PCDH15: variants seen among roughly 807,000 people sequenced by gnomAD.
The protein encoded by PCDH15 is protocadherin related 15, also known as protocadherin-15.
Under a neutral mutation model 178.5 loss-of-function variants are expected in PCDH15, and 129 were observed. The observed-to-expected ratio is 0.72, with a 90% CI of 0.63 to 0.84. The LOEUF (loss-of-function observed/expected upper bound fraction) is 0.84. Ranked by LOEUF, PCDH15 falls within the 40% of genes least tolerant of loss-of-function variation. PCDH15 has a pLI of 0.00. For missense variants in PCDH15, 2,230 were observed against 2,099.9 expected, an observed-to-expected ratio of 1.06 and a Z score of -1.21; for synonymous variants, 800 against 732.0, an observed-to-expected ratio of 1.09 and a Z score of -1.50.
intron 3 of PCDH15, among the ~76,000 whole-genome samples, chr10:54,500,408 T>C (rs187350474): frequency 2.4e-4 from 37 of 152,202 alleles, no homozygotes; most frequent in Non-Finnish European, 4.7e-4. Context: ...AATTTACCCA[T>C]GTAATAAACC....
chr10:53,841,394 G>A (rs918065836), intron 28 of PCDH15, among the ~76,000 whole-genome samples: 2 of 152,044 alleles, frequency 1.3e-5, no homozygotes, highest in African/African-American at 2.4e-5. Flanking sequence ...TTTAGGGGGA[G>A]AAGGGCAATA....
chr10:55,263,615 G>A (rs1842202914), intron 1 of PCDH15, among the ~76,000 whole-genome samples: 1 of 152,110 alleles, frequency 6.6e-6, no homozygotes, highest in Non-Finnish European at 1.5e-5. Flanking sequence ...CCAACAGAAT[G>A]TTTCTCCACT....
intron 20 of PCDH15, among the ~76,000 whole-genome samples, chr10:54,002,276 T>G (rs139468510): frequency 0.01 from 1,571 of 152,122 alleles, 28 homozygotes; most frequent in African/African-American, 0.037. Context: ...CTTTCAGCAC[T>G]GGACAGATCT....
At chr10:54,974,223 A>T (rs1839009961) in intron 2 of PCDH15, among the ~76,000 whole-genome samples, 1 of 152,140 alleles carries the variant, frequency 6.6e-6, no homozygotes, top group Non-Finnish European at 1.5e-5. Flanking sequence ...AACTCAGTGA[A>T]CACAAAGAAG....
chr10:55,210,776 G>A (rs369312460), intron 1 of PCDH15, among the ~76,000 whole-genome samples: 2 of 150,802 alleles, frequency 1.3e-5, no homozygotes, highest in South Asian at 2.1e-4. Flanking sequence ...CTACAGCCGC[G>A]CACCACCACG....
At chr10:54,424,581 T>A (rs1017184178) in intron 3 of PCDH15, among the ~76,000 whole-genome samples, 13 of 151,926 alleles carry the variant, frequency 8.6e-5, no homozygotes, top group African/African-American at 2.9e-4. Flanking sequence ...GTGGCATTAT[T>A]CACAATAGCA....
At chr10:55,353,680 C>A (rs1441770447) in intron 2 of PCDH15, among the ~76,000 whole-genome samples, 1 of 151,976 alleles carries the variant, frequency 6.6e-6, no homozygotes, top group Non-Finnish European at 1.5e-5. Context: ...CAGATGCAAC[C>A]TGACTGAGTC....
chr10:54,781,324 T>C (rs781562092), intron 1 of PCDH15, among the ~76,000 whole-genome samples: 3 of 151,788 alleles, frequency 2.0e-5, no homozygotes, highest in Non-Finnish European at 4.4e-5. Flanking sequence ...TAGCCCACCA[T>C]CCCCCGACAG....
At chr10:55,298,341 A>G (rs1843187868) in intron 1 of PCDH15, among the ~76,000 whole-genome samples, 1 of 152,232 alleles carries the variant, frequency 6.6e-6, no homozygotes, top group African/African-American at 2.4e-5. Flanking sequence ...TTTGTTTCTT[A>G]GAATCCTCAG....
At chr10:54,661,308 A>T (rs892037378) in intron 2 of PCDH15, among the ~76,000 whole-genome samples, 25 of 152,026 alleles carry the variant, frequency 1.6e-4, no homozygotes, top group Admixed American at 2.6e-4. Context: ...GACACAAAAA[A>T]TAAAATATCT....
intron 2 of PCDH15, among the ~76,000 whole-genome samples, chr10:55,603,571 G>A (rs1342174407): frequency 6.6e-6 from 1 of 151,974 alleles, no homozygotes; most frequent in African/African-American, 2.4e-5. Context: ...CAAGCCAGAA[G>A]AGAGTGGGGG....
At chr10:54,323,515 C>T (rs569213752) in intron 7 of PCDH15, among the ~76,000 whole-genome samples, 1 of 152,138 alleles carries the variant, frequency 6.6e-6, no homozygotes, top group East Asian at 1.9e-4. Flanking sequence ...GCATATACAC[C>T]ACGGAATACT....
At chr10:54,932,968 T>A (rs1286177566) in intron 2 of PCDH15, among the ~76,000 whole-genome samples, 1 of 152,194 alleles carries the variant, frequency 6.6e-6, no homozygotes, top group Non-Finnish European at 1.5e-5. Context: ...AAGTGCTCTA[T>A]AAAGGTGTAC....
chr10:54,317,464 A>T (rs373253242), intron 7 of PCDH15, 23 bp from the exon 8 acceptor site: 1 of 1,612,792 alleles, frequency 6.2e-7, no homozygotes, highest in African/African-American at 1.3e-5. Flanking sequence ...AAAACAAACA[A>T]CAGGTAGTTT....
At position 54,195,150 on chromosome 10, in the gene PCDH15, C is replaced by G. The variant is rs549201132; in HGVS notation, c.1305+533G>C. ...TGCTCAGCCTGGACCATTTCCCACT[C>G]ATGTAGATAGTGTGAGTACAAGAAA... On this transcript the variant is annotated intron_variant, in intron 11 of 37. Transcript: ENST00000644397. 3.9e-5 allele frequency among the ~76,000 whole-genome samples: 6 copies of G among 152,282 alleles called. No individual in the cohort carries two copies. The South Asian group carries it at 1.2e-3, about 32-fold the overall frequency.
intron 21 of PCDH15, among the ~76,000 whole-genome samples, chr10:53,992,540 T>C (rs1385173004): frequency 6.6e-6 from 1 of 152,210 alleles, no homozygotes; most frequent in Non-Finnish European, 1.5e-5. Flanking sequence ...ATCCCAATTA[T>C]TCCATGTTCA....
intron 3 of PCDH15, among the ~76,000 whole-genome samples, chr10:54,379,164 C>A (rs2135034394): frequency 6.6e-6 from 1 of 152,182 alleles, no homozygotes; most frequent in Admixed American, 6.6e-5. Context: ...GAGATACAGA[C>A]ATGGTGAGTT....
intron 8 of PCDH15, among the ~76,000 whole-genome samples, chr10:54,250,317 C>A (rs544340641): frequency 1.4e-5 from 2 of 143,444 alleles, no homozygotes; most frequent in South Asian, 4.5e-4. Flanking sequence ...CTCTGTCAAC[C>A]AGTTGCCCAG....
chr10:55,366,778 C>T (rs1845370571), intron 2 of PCDH15, among the ~76,000 whole-genome samples: 1 of 152,124 alleles, frequency 6.6e-6, no homozygotes, highest in African/African-American at 2.4e-5. Flanking sequence ...CTGACATCTA[C>T]TCAATTAGTT....
Sources: gnomAD v4.1 joint callset for allele counts (sites outside exome capture counted in the v4.1 genomes callset) on GRCh38, gnomAD v4.1.1 for gene constraint, MANE v1.5 for transcripts, NCBI Gene and HGNC (gene_info 2026-07-23, HGNC 2026-07-21) for gene names.